PITPNM2: variants seen among roughly 807,000 people sequenced by gnomAD.
The protein encoded by PITPNM2 is phosphatidylinositol transfer protein membrane associated 2.
A neutral mutation model predicts 132.2 loss-of-function variants in PITPNM2; 35 were observed. The observed-to-expected ratio is 0.26, with a 90% CI of 0.20 to 0.35. PITPNM2 has a LOEUF of 0.35. Ranked by LOEUF, PITPNM2 falls within the 10% of genes least tolerant of loss-of-function variation. The pLI is 1.00. For missense variants in PITPNM2, 1,332 were observed against 1,912.0 expected (o/e 0.70, Z 5.66); for synonymous variants, 738 against 799.2 (o/e 0.92, Z 1.29).
chr12:123,125,993 C>T (rs1305578715), intron 1 of PITPNM2, among the ~76,000 whole-genome samples: 1 of 148,608 alleles, frequency 6.7e-6, no homozygotes, highest in East Asian at 2.1e-4. Context: ...TCTCAGCCTC[C>T]GGAGTAGCTG....
chr12:123,129,163 T>C (rs2043209360), intron 1 of PITPNM2, among the ~76,000 whole-genome samples: 1 of 151,106 alleles, frequency 6.6e-6, no homozygotes, highest in South Asian at 2.1e-4. Context: ...AGGCTAGGCA[T>C]GGTGGCGCAC....
At chr12:123,044,391 C>G (rs2040586550) in intron 2 of PITPNM2, among the ~76,000 whole-genome samples, 2 of 152,326 alleles carry the variant, frequency 1.3e-5, no homozygotes, top group South Asian at 4.1e-4. Flanking sequence ...GAAGGGAGGG[C>G]CCCCTGAGAT....
chr12:123,118,046 C>A (rs867699094), intron 1 of PITPNM2, among the ~76,000 whole-genome samples: 1 of 152,222 alleles, frequency 6.6e-6, no homozygotes, highest in African/African-American at 2.4e-5. Context: ...CACATGGAGG[C>A]CACTCACAGA....
intron 2 of PITPNM2, among the ~76,000 whole-genome samples, chr12:123,076,549 G>A (rs1008105169): frequency 6.6e-6 from 1 of 152,208 alleles, no homozygotes; most frequent in African/African-American, 2.4e-5. Context: ...GTGCTCATGA[G>A]GCTGAAGTCC....
intron 2 of PITPNM2, among the ~76,000 whole-genome samples, chr12:123,062,696 C>T (rs991332214): frequency 6.6e-6 from 1 of 152,168 alleles, no homozygotes; most frequent in Non-Finnish European, 1.5e-5. Flanking sequence ...TATAAATAGC[C>T]TCACTTGGAC....
At chr12:123,146,797 G>A (rs2043628321) in intron 1 of PITPNM2, among the ~76,000 whole-genome samples, 1 of 152,052 alleles carries the variant, frequency 6.6e-6, no homozygotes, top group African/African-American at 2.4e-5. Flanking sequence ...CCCATGTACA[G>A]GGCTGTCACT....
rs751499584 is a variant in PITPNM2, at chr12:123,000,856, G to A, written c.1154-8C>T. 1 of 1,614,056 alleles carries A rather than the reference G, an allele frequency of 6.2e-7. No individual in the cohort carries two copies. The highest frequency in any genetic ancestry group is 8.5e-7 in the Non-Finnish European group (1 of 1,180,034). On this transcript the variant is annotated splice_polypyrimidine_tract_variant and splice_region_variant and intron_variant, in intron 9 of 25. Coordinates refer to ENST00000320201, the MANE Select transcript of PITPNM2 (RefSeq NM_020845.3). This position sits in a 1 kb window ranked among gnomAD's most constrained non-coding sequence, Gnocchi z 5.4. ...CCTGGCGGTACAGACCATCTGCAAAGACACAGAAGCCGTGCTGTGAGCTGA... is the reference window on the plus strand; with the variant it reads ...CCTGGCGGTACAGACCATCTGCAAAAACACAGAAGCCGTGCTGTGAGCTGA...
chr12:123,022,632 G>A lies in PITPNM2; in HGVS notation c.79-8590C>T, dbSNP rs903150246. ...TGGGATCATGCTCCCCACTCCACAAGTAAGAAACTGAGGCACAGAGTACTG... is the reference window on the plus strand; with the variant it reads ...TGGGATCATGCTCCCCACTCCACAAATAAGAAACTGAGGCACAGAGTACTG... On this transcript the variant is annotated intron_variant, in intron 3 of 25. Coordinates refer to ENST00000320201, the MANE Select transcript of PITPNM2 (RefSeq NM_020845.3). This position sits in a 1 kb window ranked among gnomAD's most constrained non-coding sequence, Gnocchi z 4.9. Among the ~76,000 whole-genome samples, 1 of 152,192 alleles carries A rather than the reference G, an allele frequency of 6.6e-6. No homozygotes were observed. The highest frequency in any genetic ancestry group is 1.5e-5 in the Non-Finnish European group (1 of 68,032).
chr12:123,104,627 AC>A (rs1200879087), intron 2 of PITPNM2, among the ~76,000 whole-genome samples: 1 of 151,402 alleles, frequency 6.6e-6, no homozygotes, highest in Non-Finnish European at 1.5e-5. Flanking sequence ...CAGAGAACAA[AC>A]CCCCTTTGAC....
intron 1 of PITPNM2, among the ~76,000 whole-genome samples, chr12:123,135,368 AC>A (rs2043355078): frequency 7.7e-6 from 1 of 130,318 alleles, no homozygotes; most frequent in African/African-American, 3.0e-5. Flanking sequence ...TACTGTGATA[AC>A]CATAGTAACA....
At chr12:123,141,794 G>A (rs1038905805) in intron 1 of PITPNM2, among the ~76,000 whole-genome samples, 7 of 152,018 alleles carry the variant, frequency 4.6e-5, no homozygotes, top group African/African-American at 1.4e-4. Flanking sequence ...TCTTAATCCC[G>A]CTCCACTGCC....
chr12:123,012,528 T>C (rs1402143013), intron 5 of PITPNM2, 85 bp downstream of exon 5: 1 of 1,518,264 alleles, frequency 6.6e-7, no homozygotes, highest in Non-Finnish European at 9.0e-7. Flanking sequence ...GTCTACCAGG[T>C]GTGGGGAAAA....
At chr12:123,141,470 A>G (rs2043504571) in intron 1 of PITPNM2, among the ~76,000 whole-genome samples, 1 of 152,132 alleles carries the variant, frequency 6.6e-6, no homozygotes, top group Admixed American at 6.5e-5. Flanking sequence ...CTCAAACACA[A>G]ATAGCTAAGA....
At chr12:123,076,027 C>T (rs1455318499) in intron 2 of PITPNM2, 5 of 152,284 alleles carry the variant, frequency 3.3e-5, no homozygotes, top group Non-Finnish European at 7.3e-5. Context: ...GGTGCTGCCA[C>T]TTGTGGGCTG....
At chr12:123,118,427 G>T (rs1289709739) in intron 1 of PITPNM2, among the ~76,000 whole-genome samples, 1 of 152,232 alleles carries the variant, frequency 6.6e-6, no homozygotes, top group Admixed American at 6.5e-5. Flanking sequence ...ACAGGAGGGA[G>T]AAAATCTCTA....
chr12:123,062,797 T>C (rs985575840), intron 2 of PITPNM2, among the ~76,000 whole-genome samples: 2 of 152,192 alleles, frequency 1.3e-5, no homozygotes, highest in African/African-American at 4.8e-5. Context: ...GATTTTGGAA[T>C]TGAGGATAAG....
intron 3 of PITPNM2, among the ~76,000 whole-genome samples, chr12:123,016,677 A>G (rs1460784541): frequency 3.3e-5 from 5 of 152,164 alleles, no homozygotes; most frequent in Admixed American, 3.3e-4. Flanking sequence ...AAAAGAATCA[A>G]TGCTGGTTGG....
At chr12:123,073,785 G>A (rs2136931148) in intron 2 of PITPNM2, among the ~76,000 whole-genome samples, 1 of 152,276 alleles carries the variant, frequency 6.6e-6, no homozygotes, top group South Asian at 2.1e-4. Flanking sequence ...GAAGCCCTGG[G>A]GCAAGTGAGT....
chr12:123,113,693 C>T (rs2137364707), intron 1 of PITPNM2, among the ~76,000 whole-genome samples: 1 of 134,428 alleles, frequency 7.4e-6, no homozygotes, highest in Admixed American at 7.9e-5. Flanking sequence ...ACAGCAAGAC[C>T]ATCTATAAAC....
Sources: allele counts gnomAD v4.1 joint callset (sites outside exome capture counted in the v4.1 genomes callset), GRCh38; gene constraint gnomAD v4.1.1; non-coding constraint Gnocchi (gnomAD v3.1); transcripts MANE v1.5; gene names NCBI Gene and HGNC (gene_info 2026-07-23, HGNC 2026-07-21).